The following FBLN2 variants were observed in gnomAD, a reference collection of about 807,000 sequenced individuals.
FBLN2 encodes fibulin 2.
A neutral mutation model predicts 123.7 loss-of-function variants in FBLN2; 81 were observed. That is an observed-to-expected ratio of 0.65 (90% confidence interval 0.55 to 0.79). FBLN2 has a LOEUF of 0.79. Ranked by LOEUF, FBLN2 falls within the 30% of genes least tolerant of loss-of-function variation. The pLI is 0.00. For missense variants in FBLN2, 1,603 were observed against 1,681.3 expected (o/e 0.95, Z 0.81); for synonymous variants, 699 against 701.4 (o/e 1.00, Z 0.05).
At chr3:13,621,039 G>A (rs1357437107) in intron 8 of FBLN2, among the ~76,000 whole-genome samples, 3 of 152,204 alleles carry the variant, frequency 2.0e-5, no homozygotes. Context: ...TTCTGGGGCA[G>A]GCCTCCTTTG....
intron 2 of FBLN2, among the ~76,000 whole-genome samples, chr3:13,597,852 G>A (rs1704897093): frequency 6.6e-6 from 1 of 152,226 alleles, no homozygotes; most frequent in South Asian, 2.1e-4. Context: ...GTCAACCGTG[G>A]CAGTGTGTTC....
chr3:13,626,409 A>T, intron 9 of FBLN2, 36 bp from the exon 10 acceptor site: 1 of 1,535,934 alleles, frequency 6.5e-7, no homozygotes, highest in Non-Finnish European at 8.8e-7. Flanking sequence ...TGTCCTGGGG[A>T]CTCTGCAGCC....
In FBLN2 at chr3:13,627,910, G is replaced by A; in HGVS notation, c.2510G>A (p.Cys837Tyr). Residue 837 changes from cysteine (C) to tyrosine (Y), a missense_variant, in exon 11 of 18, where the codon TGC (cysteine) becomes TAC (tyrosine). Coordinates refer to ENST00000404922, the MANE Select transcript of FBLN2 (RefSeq NM_001004019.2). ...LCQNTKGSFYCQARQRCMDGF... is the reference protein window; with the variant it reads ...LCQNTKGSFYYQARQRCMDGF... ...CAGAACACCAAGGGCTCCTTCTACTGCCAGGCCAGGCAGCGCTGCATGGAT... is the reference window on the plus strand; with the variant it reads ...CAGAACACCAAGGGCTCCTTCTACTACCAGGCCAGGCAGCGCTGCATGGAT... 2 of 1,613,878 alleles carry A rather than the reference G, an allele frequency of 1.2e-6. No homozygotes were observed. Among genetic ancestry groups the A allele is most frequent in the Non-Finnish European group, 1.7e-6 (2 of 1,179,844 alleles).
In FBLN2 at chr3:13,610,897, AATTATTATT is replaced by A. The variant is rs112793079; in HGVS notation, c.1548+1277_1548+1285del. Among the ~76,000 whole-genome samples, 74 of 144,830 alleles carry A rather than the reference AATTATTATT, an allele frequency of 5.1e-4. 1 individual carries two copies. Among genetic ancestry groups the A allele is most frequent in the East Asian group, 3.2e-3 (16 of 4,994 alleles). Reference sequence around the variant, plus strand: ...GGGGCAGGAGAGCCCCCTTGTTTTAAATTATTATTATTATTATTATTATTATTATTTTGA... The same window carrying A: ...GGGGCAGGAGAGCCCCCTTGTTTTAAATTATTATTATTATTATTATTTTGA... On this transcript the variant is annotated intron_variant, in intron 4 of 17. Transcript: ENST00000404922.
intron 1 of FBLN2, among the ~76,000 whole-genome samples, chr3:13,565,953 A>C (rs1270179687): frequency 6.6e-6 from 1 of 152,218 alleles, no homozygotes; most frequent in Non-Finnish European, 1.5e-5. Flanking sequence ...TAATACCACT[A>C]TCCTAGTGTT....
chr3:13,560,672 T>G (rs1240272377), intron 1 of FBLN2, among the ~76,000 whole-genome samples: 1 of 152,240 alleles, frequency 6.6e-6, no homozygotes, highest in African/African-American at 2.4e-5. Flanking sequence ...GAAGCCAACT[T>G]GATTACTTTG....
At chr3:13,628,500 A>G (rs1274206875) in intron 11 of FBLN2, among the ~76,000 whole-genome samples, 1 of 152,218 alleles carries the variant, frequency 6.6e-6, no homozygotes, top group Admixed American at 6.5e-5. Flanking sequence ...AGTGGGTCTG[A>G]GATTCTACCC....
intron 9 of FBLN2, among the ~76,000 whole-genome samples, chr3:13,626,041 C>A (rs80265372): frequency 6.6e-6 from 1 of 151,910 alleles, no homozygotes; most frequent in Non-Finnish European, 1.5e-5. Context: ...CATCCCTGAC[C>A]CATCCCGCCC....
intron 3 of FBLN2, among the ~76,000 whole-genome samples, chr3:13,609,235 C>T (rs558990801): frequency 5.0e-4 from 76 of 152,342 alleles, no homozygotes; most frequent in African/African-American, 1.7e-3. Context: ...CTGTCCTCCC[C>T]GACCGTTGTG....
intron 2 of FBLN2, among the ~76,000 whole-genome samples, chr3:13,577,563 G>T (rs963679880): frequency 6.6e-6 from 1 of 152,212 alleles, no homozygotes; most frequent in African/African-American, 2.4e-5. Flanking sequence ...GCCAACTTAT[G>T]TGTTAACAGG....
chr3:13,596,900 A>G (rs1273257667), intron 2 of FBLN2, among the ~76,000 whole-genome samples: 1 of 151,290 alleles, frequency 6.6e-6, no homozygotes, highest in Admixed American at 6.6e-5. Context: ...TTTTTTATTT[A>G]TTATTTAAAT....
At position 13,568,975 on chromosome 3, in the gene FBLN2, C is replaced by G. The variant is rs1014100558; in HGVS notation, c.-41-1340C>G. The G allele has an allele frequency of 6.1e-6, 6 of 985,520 alleles. No homozygotes were observed. The African/African-American group carries it at 1.0e-4, about 17-fold the overall frequency. 61.0% of individuals were successfully genotyped at this position (985,520 alleles called of 1,614,324 possible). On this transcript the variant is annotated intron_variant, in intron 1 of 17. Coordinates refer to ENST00000404922, the MANE Select transcript of FBLN2 (RefSeq NM_001004019.2). ...GGGGACCACTGCTGTGGTAACGAGT[C>G]CTGCTGTCCCTCTGTCACTGCCCTA...
intron 2 of FBLN2, among the ~76,000 whole-genome samples, chr3:13,576,643 A>G (rs1017635710): frequency 1.3e-5 from 2 of 151,702 alleles, no homozygotes; most frequent in Non-Finnish European, 2.9e-5. Context: ...AACAGAGGGG[A>G]GAGAGGTCGG....
intron 2 of FBLN2, among the ~76,000 whole-genome samples, chr3:13,601,298 G>A (rs1705024910): frequency 6.6e-6 from 1 of 152,236 alleles, no homozygotes; most frequent in Admixed American, 6.5e-5. Context: ...GAAGAATGTT[G>A]TGAGTCTGAG....
At chr3:13,605,121 T>C (rs1438247395) in intron 2 of FBLN2, among the ~76,000 whole-genome samples, 1 of 152,204 alleles carries the variant, frequency 6.6e-6, no homozygotes, top group Non-Finnish European at 1.5e-5. Context: ...GGCACTCATC[T>C]GTTACTTGTT....
chr3:13,631,522 A>T, intron 16 of FBLN2, 65 bp downstream of exon 16: 2 of 1,511,756 alleles, frequency 1.3e-6, no homozygotes, highest in Non-Finnish European at 1.8e-6. Context: ...AAGCAGGCAC[A>T]GAAAAGCTCA....
chr3:13,590,095 G>A (rs1297378922), intron 2 of FBLN2, among the ~76,000 whole-genome samples: 2 of 152,170 alleles, frequency 1.3e-5, no homozygotes, highest in African/African-American at 2.4e-5. Context: ...TTTTCCTGGT[G>A]CCCTTTCTCA....
At chr3:13,602,744 T>C (rs1375073159) in intron 2 of FBLN2, among the ~76,000 whole-genome samples, 1 of 152,204 alleles carries the variant, frequency 6.6e-6, no homozygotes, top group African/African-American at 2.4e-5. Context: ...GTGTTGTTTT[T>C]GTTTTTGGCT....
chr3:13,630,454 C>T (rs1490287586), intron 14 of FBLN2, among the ~76,000 whole-genome samples: 1 of 152,224 alleles, frequency 6.6e-6, no homozygotes, highest in Non-Finnish European at 1.5e-5. Flanking sequence ...CACGGTCTTT[C>T]CCAGCCCCTC....
Sources: gnomAD v4.1 joint callset for allele counts (sites outside exome capture counted in the v4.1 genomes callset) on GRCh38, gnomAD v4.1.1 for gene constraint, MANE v1.5 for transcripts, NCBI Gene and HGNC (gene_info 2026-07-23, HGNC 2026-07-21) for gene names.